Variants in GDNF observed in about 807,000 individuals in gnomAD.
GDNF encodes the protein glial cell derived neurotrophic factor.
GDNF carries 5 observed loss-of-function variants against 13.7 expected under a neutral mutation model. The observed-to-expected ratio is 0.36, with a 90% CI of 0.19 to 0.77. GDNF has a LOEUF of 0.77. Ranked by LOEUF, GDNF falls within the 30% of genes least tolerant of loss-of-function variation. The pLI is 0.51. For synonymous variants in GDNF, 122 were observed against 112.5 expected, an observed-to-expected ratio of 1.08 and a Z score of -0.53; for missense variants, 246 against 274.3, an observed-to-expected ratio of 0.90 and a Z score of 0.73.
intron 2 of GDNF, among the ~76,000 whole-genome samples, chr5:37,833,783 A>G (rs1750604785): frequency 1.3e-5 from 2 of 152,190 alleles, no homozygotes; most frequent in Admixed American, 1.3e-4. Context: ...CTTTGTTGAC[A>G]TTATGCCTCT....
Position 37,814,204 on chromosome 5 carries a change from A to G in GDNF, c.*1447T>C, listed in dbSNP as rs988076061. ...TTGTCGACATTACTTTTAGGTCAGC[A>G]TTAAATCCAGGACTACCTACTAAAA... On this transcript the variant is annotated 3_prime_UTR_variant, in exon 3 of 3. Coordinates refer to ENST00000326524, the MANE Select transcript of GDNF (RefSeq NM_000514.4). 1.3e-5 allele frequency: 2 copies of G among 152,642 alleles called. No homozygotes were observed. The highest frequency in any genetic ancestry group is 6.5e-5 in the Admixed American group (1 of 15,306). 9.5% of individuals were successfully genotyped at this position (152,642 alleles called of 1,614,324 possible). A position where few individuals can be genotyped will look rare whatever the true frequency, so the allele number is the denominator to read the frequency against.
chr5:37,839,075 CAATAGT>C lies in GDNF; in HGVS notation c.-27+426_-27+431del, dbSNP rs1195361140. ...TCCTTGGCACAGATCAAAACAAGCTCAATAGTAAGTTGCACTCTTGGCAATGATAGT... is the reference window on the plus strand; with the variant it reads ...TCCTTGGCACAGATCAAAACAAGCTCAAGTTGCACTCTTGGCAATGATAGT... On this transcript the variant is annotated intron_variant, in intron 1 of 2. Transcript: ENST00000326524. This position sits in a 1 kb window ranked among gnomAD's most constrained non-coding sequence, Gnocchi z 5.5. Among the ~76,000 whole-genome samples, 2 of 152,100 alleles carry C rather than the reference CAATAGT, an allele frequency of 1.3e-5. No homozygotes were observed. Among genetic ancestry groups the C allele is most frequent in the Admixed American group, 6.5e-5 (1 of 15,274 alleles).
At chr5:37,825,661 C>T (rs1196340445) in intron 2 of GDNF, among the ~76,000 whole-genome samples, 1 of 152,188 alleles carries the variant, frequency 6.6e-6, no homozygotes, top group Non-Finnish European at 1.5e-5. Flanking sequence ...GTGGTGGAGT[C>T]TCTCCTTTCT....
intron 2 of GDNF, among the ~76,000 whole-genome samples, chr5:37,823,620 A>T (rs1472509894): frequency 6.6e-6 from 1 of 151,258 alleles, no homozygotes; most frequent in African/African-American, 2.4e-5. Flanking sequence ...CCAGACAGAG[A>T]GGCCCCATCT....
chr5:37,815,729 A>G lies in GDNF; in HGVS notation c.558T>C (p.Asp186=), dbSNP rs564333453. 2 of 1,613,980 alleles carry G rather than the reference A, an allele frequency of 1.2e-6. No homozygotes were observed. Among genetic ancestry groups the G allele is most frequent in the South Asian group, 1.1e-5 (1 of 91,082 alleles). Residue 186 remains aspartate (D), a synonymous_variant, in exon 3 of 3, where the codon GAT becomes GAC. Transcript: ENST00000326524. The surrounding 1 kb of genome is among the most constrained non-coding windows in gnomAD (Gnocchi z 5.0). ...GGTTATCATCTAAAAACGACAGGTC[A>G]TCATCAAAGGCGATGGGTCTGCAAC... The part of the protein sequence containing the change: ...QACCRPIAFD[D]DLSFLDDNLV...
Position 37,834,814 on chromosome 5 carries a change from C to T in GDNF, c.-18G>A, listed in dbSNP as rs752125741. The T allele has an allele frequency of 6.2e-7, 1 of 1,612,288 alleles. No homozygotes were observed. The highest frequency in any genetic ancestry group is 1.3e-5 in the African/African-American group (1 of 74,760). ...AACTTCATCTTAAAGTCCCGTCCGGCGGCGGCACCTGCGCGGGCAGGCGGG... is the reference window on the plus strand; with the variant it reads ...AACTTCATCTTAAAGTCCCGTCCGGTGGCGGCACCTGCGCGGGCAGGCGGG... On this transcript the variant is annotated 5_prime_UTR_variant, in exon 2 of 3. Transcript: ENST00000326524.
At position 37,834,686 on chromosome 5, in the gene GDNF, G is replaced by A; in HGVS notation, c.111C>T (p.Ser37=). 4 of 1,608,488 alleles carry A rather than the reference G, an allele frequency of 2.5e-6. No individual in the cohort carries two copies. In the South Asian group the frequency reaches 4.4e-5, roughly 18 times the overall value. ...CGAAGGGCGCGCGGCGGCGGCCGAG[G>A]GAGCGGTCTTCGGCGGGCGCCTCGG... The part of the protein sequence containing the change: ...RPPEAPAEDR[S]LGRRRAPFAL... Residue 37 remains serine, a synonymous_variant, in exon 2 of 3, where the codon TCC becomes TCT. Coordinates refer to ENST00000326524, the MANE Select transcript of GDNF (RefSeq NM_000514.4).
chr5:37,834,594 G>T, intron 2 of GDNF, 52 bp downstream of exon 2: 1 of 1,381,458 alleles, frequency 7.2e-7, no homozygotes. Flanking sequence ...TGCGGGTGGG[G>T]GTGCGAGGGG....
intron 1 of GDNF, among the ~76,000 whole-genome samples, chr5:37,836,062 T>G (rs1343588523): frequency 6.6e-6 from 1 of 152,106 alleles, no homozygotes; most frequent in Non-Finnish European, 1.5e-5. Context: ...ATCCAGTGCC[T>G]TCCTAATCCC....
chr5:37,817,842 C>A (rs1404676788), intron 2 of GDNF, among the ~76,000 whole-genome samples: 1 of 152,162 alleles, frequency 6.6e-6, no homozygotes, highest in Non-Finnish European at 1.5e-5. Context: ...TACCCACCTT[C>A]GATCTATTTT....
At chr5:37,816,268 G>A in intron 2 of GDNF, 133 bp from the exon 3 acceptor site, 2 of 825,446 alleles carry the variant, frequency 2.4e-6, no homozygotes, top group Non-Finnish European at 4.0e-6. Context: ...TTAAGCTATA[G>A]GACCACTGTA....
chr5:37,822,696 T>C (rs368980885), intron 2 of GDNF, among the ~76,000 whole-genome samples: 3 of 152,212 alleles, frequency 2.0e-5, no homozygotes, highest in East Asian at 3.8e-4. Flanking sequence ...ACAGGCCAAG[T>C]ATCTGAAAAA....
At chr5:37,834,574 C>A in intron 2 of GDNF, 72 bp downstream of exon 2, 1 of 1,270,176 alleles carries the variant, frequency 7.9e-7, no homozygotes, top group Non-Finnish European at 1.0e-6. Flanking sequence ...GGGGTACGTG[C>A]GGGGCTGGCT....
intron 2 of GDNF, among the ~76,000 whole-genome samples, chr5:37,820,065 G>C (rs866446842): frequency 1.3e-5 from 2 of 152,134 alleles, no homozygotes; most frequent in East Asian, 1.9e-4. Flanking sequence ...AAAAAACAGA[G>C]ACTCTGTTTT....
rs377640804 is a variant in GDNF, at chr5:37,816,177, G to T, written c.152-42C>A. 1.5e-4 allele frequency: 247 copies of T among 1,608,344 alleles called. 1 individual carries two copies. Among genetic ancestry groups the T allele is most frequent in the Middle Eastern group, 5.0e-4 (3 of 6,004 alleles). On this transcript the variant is annotated intron_variant, in intron 2 of 2. Transcript: ENST00000326524. ...GAGAAAATGGCACATGAGACAAAATGATCATTTCAAGCCGTCTTCAAGATC... is the reference window on the plus strand; with the variant it reads ...GAGAAAATGGCACATGAGACAAAATTATCATTTCAAGCCGTCTTCAAGATC...
At chr5:37,816,613 A>T (rs1201628128) in intron 2 of GDNF, among the ~76,000 whole-genome samples, 2 of 152,198 alleles carry the variant, frequency 1.3e-5, no homozygotes, top group African/African-American at 2.4e-5. Flanking sequence ...GGACCAAGGA[A>T]TCTGCATTTC....
chr5:37,815,986 C>T lies in GDNF; in HGVS notation c.301G>A (p.Glu101Lys), dbSNP rs148067525. The T allele has an allele frequency of 1.5e-5, 24 of 1,614,044 alleles. No homozygotes were observed. Among genetic ancestry groups the T allele is most frequent in the Non-Finnish European group, 2.0e-5 (24 of 1,179,872 alleles). Residue 101 changes from glutamate to lysine, a missense_variant, in exon 3 of 3, where the codon GAG (glutamate) becomes AAG (lysine). Coordinates refer to ENST00000326524, the MANE Select transcript of GDNF (RefSeq NM_000514.4). The surrounding 1 kb of genome is among the most constrained non-coding windows in gnomAD (Gnocchi z 5.0). The part of the protein sequence containing the change: ...RNRQAAAANP[E>K]NSRGKGRRGQ... ...CTCCGACCTTTTCCTCTGGAATTCT[C>T]TGGGTTGGCAGCTGCAGCCTGCCGA...
At chr5:37,823,745 C>T (rs1750218483) in intron 2 of GDNF, among the ~76,000 whole-genome samples, 1 of 152,210 alleles carries the variant, frequency 6.6e-6, no homozygotes, top group Non-Finnish European at 1.5e-5. Flanking sequence ...GCTGCGTGAC[C>T]TTGGAAGTAG....
rs148045576 is a variant in GDNF, at chr5:37,829,261, C to G, written c.151+5385G>C. Among the ~76,000 whole-genome samples, 475 of 152,310 alleles carry G rather than the reference C, an allele frequency of 3.1e-3. 1 individual carries two copies. Among genetic ancestry groups the G allele is most frequent in the African/African-American group, 0.011 (451 of 41,570 alleles). ...CTACTCCCTAGTATGTCCCCCTTTC[C>G]TTTTCCCTTCCCTTCCAAACACCCA... is the stretch of plus-strand genomic sequence containing the variant. On this transcript the variant is annotated intron_variant, in intron 2 of 2. Transcript: ENST00000326524.
Sources: allele counts gnomAD v4.1 joint callset (sites outside exome capture counted in the v4.1 genomes callset), GRCh38; gene constraint gnomAD v4.1.1; non-coding constraint Gnocchi (gnomAD v3.1); transcripts MANE v1.5; gene names NCBI Gene and HGNC (gene_info 2026-07-23, HGNC 2026-07-21).